ELP4: variants seen among roughly 807,000 people sequenced by gnomAD.
ELP4 encodes elongator complex protein 4.
In ELP4, 51 loss-of-function variants were observed where a neutral mutation model predicts 48.9. That is an observed-to-expected ratio of 1.04 (90% CI 0.83 to 1.32). The LOEUF is 1.32. ELP4 is among the 40% of genes most tolerant of loss of function. The pLI is 0.00. For synonymous variants in ELP4, 210 were observed against 189.2 expected (o/e 1.11, Z -0.90); for missense variants, 519 against 514.6 (o/e 1.01, Z -0.08).
chr11:31,711,479 C>T (rs537642574), intron 9 of ELP4, among the ~76,000 whole-genome samples: 1 of 152,142 alleles, frequency 6.6e-6, no homozygotes, highest in Admixed American at 6.5e-5. Context: ...TAATAATTAT[C>T]TCCTCTTTGT....
intron 9 of ELP4, among the ~76,000 whole-genome samples, chr11:31,727,490 A>G (rs1182156830): frequency 6.6e-6 from 1 of 152,070 alleles, no homozygotes; most frequent in Non-Finnish European, 1.5e-5. Flanking sequence ...TTGTTTGTAA[A>G]TTATTTCAAA....
At chr11:31,657,967 C>A (rs887269025) in intron 9 of ELP4, among the ~76,000 whole-genome samples, 1 of 152,010 alleles carries the variant, frequency 6.6e-6, no homozygotes, top group Non-Finnish European at 1.5e-5. Context: ...TTATTATCTT[C>A]ATTTTACAAA....
At chr11:31,614,915 G>A (rs1377757835) in intron 5 of ELP4, among the ~76,000 whole-genome samples, 1 of 152,102 alleles carries the variant, frequency 6.6e-6, no homozygotes, top group East Asian at 1.9e-4. Flanking sequence ...GAATACAACA[G>A]GTGATTCTAA....
intron 3 of ELP4, among the ~76,000 whole-genome samples, chr11:31,548,317 C>G (rs896323140): frequency 6.6e-6 from 1 of 152,044 alleles, no homozygotes. Flanking sequence ...GTACAAAAAT[C>G]ACAAGCATTC....
At chr11:31,689,006 T>G (rs1946219704) in intron 9 of ELP4, among the ~76,000 whole-genome samples, 1 of 152,152 alleles carries the variant, frequency 6.6e-6, no homozygotes, top group Non-Finnish European at 1.5e-5. Context: ...CTGAACAAAA[T>G]TTCTATGGCA....
intron 9 of ELP4, among the ~76,000 whole-genome samples, chr11:31,722,519 G>A (rs1469370151): frequency 6.6e-6 from 1 of 152,168 alleles, no homozygotes; most frequent in Admixed American, 6.5e-5. Flanking sequence ...TTCTGTGGAA[G>A]AAAGTAAGCC....
At chr11:31,714,616 C>T (rs921505090) in intron 9 of ELP4, 4 of 398,278 alleles carry the variant, frequency 1.0e-5, no homozygotes, top group Non-Finnish European at 1.8e-5. Context: ...ATTTATTTTC[C>T]TACGGTTCTG....
At chr11:31,520,748 C>G (rs1202205302) in intron 2 of ELP4, among the ~76,000 whole-genome samples, 1 of 151,992 alleles carries the variant, frequency 6.6e-6, no homozygotes, top group East Asian at 1.9e-4. Context: ...TCACGTGACA[C>G]CCTTAAAATA....
At chr11:31,697,329 T>C (rs1182041109) in intron 9 of ELP4, among the ~76,000 whole-genome samples, 1 of 152,190 alleles carries the variant, frequency 6.6e-6, no homozygotes, top group Non-Finnish European at 1.5e-5. Flanking sequence ...ACATTTCTTG[T>C]ATTATAATTG....
At chr11:31,634,682 C>T (rs1944935179) in intron 7 of ELP4, among the ~76,000 whole-genome samples, 1 of 151,878 alleles carries the variant, frequency 6.6e-6, no homozygotes, top group Admixed American at 6.6e-5. Flanking sequence ...ATGTCTGAAC[C>T]TGAAACAATA....
intron 9 of ELP4, among the ~76,000 whole-genome samples, chr11:31,717,725 A>G (rs12294776): frequency 1.3e-5 from 2 of 151,720 alleles, no homozygotes; most frequent in South Asian, 2.1e-4. Context: ...CTGCACTCCA[A>G]CCTGGGAGAC....
At chr11:31,718,881 A>T (rs747961098) in intron 9 of ELP4, among the ~76,000 whole-genome samples, 3 of 152,182 alleles carry the variant, frequency 2.0e-5, no homozygotes, top group African/African-American at 2.4e-5. Context: ...AGGGGAGAAA[A>T]ATTAAGCCCT....
At chr11:31,594,626 T>A in intron 3 of ELP4, 144 bp from the exon 4 acceptor site, 1 of 475,314 alleles carries the variant, frequency 2.1e-6, no homozygotes, top group South Asian at 4.3e-5. Flanking sequence ...TAGAAATGTC[T>A]ATTTTTATGA....
intron 9 of ELP4, among the ~76,000 whole-genome samples, chr11:31,754,134 T>C (rs1947785104): frequency 6.6e-6 from 1 of 152,192 alleles, no homozygotes; most frequent in South Asian, 2.1e-4. Context: ...CTAATCCCCA[T>C]CATATCTTGC....
intron 6 of ELP4, among the ~76,000 whole-genome samples, chr11:31,631,711 G>A (rs1477424925): frequency 2.6e-5 from 4 of 151,840 alleles, no homozygotes; most frequent in African/African-American, 7.3e-5. Flanking sequence ...GCTTCAAGAA[G>A]AAAAACCAGA....
chr11:31,578,398 C>T (rs928907504), intron 3 of ELP4, among the ~76,000 whole-genome samples: 1 of 152,214 alleles, frequency 6.6e-6, no homozygotes, highest in Non-Finnish European at 1.5e-5. Flanking sequence ...CCATCCCCAT[C>T]AAGCTACCAA....
chr11:31,624,964 G>T (rs576835434), intron 5 of ELP4, among the ~76,000 whole-genome samples: 1 of 150,606 alleles, frequency 6.6e-6, no homozygotes, highest in East Asian at 2.0e-4. Context: ...TGATAAGAAT[G>T]CCTTCTTCTG....
rs1473153258 is a variant in ELP4 at position 31,783,495 on chromosome 11, G to T, written c.1246G>T (p.Ala416Ser). 1 of 1,613,976 alleles carries T rather than the reference G, an allele frequency of 6.2e-7. No individual in the cohort carries two copies. The highest frequency in any genetic ancestry group is 1.3e-5 in the African/African-American group (1 of 74,936). ...KRLGPGCGMM[A>S]GGKKHLDF ...GCTGGGCCCAGGCTGTGGCATGATG[G>T]CCGGAGGCAAGAAGCACCTGGACTT... The change falls in exon 10 of 10, where the codon GCC becomes TCC. Residue 416 changes from alanine (A) to serine (S), a missense_variant. Ala to Ser is a moderately conservative substitution (Grantham distance 99, BLOSUM62 1). Transcript: ENST00000640961.
intron 1 of ELP4, among the ~76,000 whole-genome samples, chr11:31,519,353 T>G (rs969735278): frequency 6.6e-6 from 1 of 152,224 alleles, no homozygotes. Flanking sequence ...TATAATAATC[T>G]TTGTTGTACT....
Sources: gnomAD v4.1 joint callset for allele counts (sites outside exome capture counted in the v4.1 genomes callset) on GRCh38, gnomAD v4.1.1 for gene constraint, MANE v1.5 for transcripts, NCBI Gene and HGNC (gene_info 2026-07-23, HGNC 2026-07-21) for gene names.